Variants in EDNRA observed in about 807,000 individuals in gnomAD.
EDNRA encodes the protein endothelin receptor type A.
Under a neutral mutation model 41.4 loss-of-function variants are expected in EDNRA, and 11 were observed. The observed-to-expected ratio is 0.27, with a 90% CI of 0.17 to 0.44. The LOEUF (loss-of-function observed/expected upper bound fraction) is 0.44. Ranked by LOEUF, EDNRA falls within the 20% of genes least tolerant of loss-of-function variation. The pLI is 1.00. For synonymous variants in EDNRA, 172 were observed against 183.0 expected, an observed-to-expected ratio of 0.94 and a Z score of 0.49; for missense variants, 294 against 531.0, an observed-to-expected ratio of 0.55 and a Z score of 4.39.
At position 147,486,215 on chromosome 4, in the gene EDNRA, G is replaced by A. The variant is rs1420876634; in HGVS notation, c.420+114G>A. 13 of 1,153,902 alleles carry A rather than the reference G, an allele frequency of 1.1e-5. No individual in the cohort carries two copies. Among genetic ancestry groups the A allele is most frequent in the Non-Finnish European group, 1.6e-5 (13 of 834,136 alleles). 71.5% of individuals were successfully genotyped at this position (1,153,902 alleles called of 1,614,324 possible). ...AATTTTATCTGTGTTTTTACTGAGA[G>A]CTATTTCTGCTGTCTTCTAACTACT... On this transcript the variant is annotated intron_variant, in intron 2 of 7. Coordinates refer to ENST00000651419, the MANE Select transcript of EDNRA (RefSeq NM_001957.4). This position sits in a 1 kb window ranked among gnomAD's most constrained non-coding sequence, Gnocchi z 4.3.
chr4:147,515,729 A>C, intron 2 of EDNRA, among the ~76,000 whole-genome samples: 1 of 152,182 alleles, frequency 6.6e-6, no homozygotes, highest in East Asian at 1.9e-4. Context: ...TAGAAAACTA[A>C]TGTAAACAGA....
At chr4:147,523,625 G>A (rs1423154645) in intron 3 of EDNRA, among the ~76,000 whole-genome samples, 1 of 151,736 alleles carries the variant, frequency 6.6e-6, no homozygotes, top group South Asian at 2.1e-4. Context: ...CGAGTAGCTG[G>A]GACTACAGGT....
At chr4:147,487,866 A>G (rs958434081) in intron 2 of EDNRA, 3 of 152,372 alleles carry the variant, frequency 2.0e-5, no homozygotes, top group South Asian at 2.1e-4. Flanking sequence ...TATGATGCAA[A>G]ATTGAAAATG....
chr4:147,522,889 A>G (rs1730374518), intron 3 of EDNRA, among the ~76,000 whole-genome samples: 1 of 152,236 alleles, frequency 6.6e-6, no homozygotes, highest in African/African-American at 2.4e-5. Flanking sequence ...TTAGGGAGAC[A>G]GAAGTTACAG....
chr4:147,505,041 A>G (rs550800802), intron 2 of EDNRA, among the ~76,000 whole-genome samples: 1 of 150,970 alleles, frequency 6.6e-6, no homozygotes, highest in Admixed American at 6.6e-5. Context: ...TGAATAATCC[A>G]AATAGAAAAT....
chr4:147,484,288 C>A (rs1728870700), intron 1 of EDNRA, among the ~76,000 whole-genome samples: 1 of 151,478 alleles, frequency 6.6e-6, no homozygotes, highest in Non-Finnish European at 1.5e-5. Context: ...AAATAAACCA[C>A]ACCAGATGGT....
intron 5 of EDNRA, among the ~76,000 whole-genome samples, chr4:147,538,687 A>G (rs1268984471): frequency 6.6e-6 from 1 of 152,140 alleles, no homozygotes; most frequent in Non-Finnish European, 1.5e-5. Context: ...ATTACTCCGG[A>G]GCCATATCCC....
rs869077171 is a variant in EDNRA, at chr4:147,505,327, A to ATTTTTTTTTTTTTTTTTTT, written c.421-14514_421-14496dup. 2.4e-4 allele frequency among the ~76,000 whole-genome samples: 19 copies of ATTTTTTTTTTTTTTTTTTT among 79,684 alleles called. 1 individual carries two copies. Among genetic ancestry groups the ATTTTTTTTTTTTTTTTTTT allele is most frequent in the African/African-American group, 5.3e-4 (10 of 18,900 alleles). 52.3% of individuals were successfully genotyped at this position (79,684 alleles called of 152,430 possible). A position where few individuals can be genotyped will look rare whatever the true frequency, so the allele number is the denominator to read the frequency against. On this transcript the variant is annotated intron_variant, in intron 2 of 7. Coordinates refer to ENST00000651419, the MANE Select transcript of EDNRA (RefSeq NM_001957.4). ...AGAGAGTTTGGCAGTTTCTTTTTTC[A>ATTTTTTTTTTTTTTTTTTT]TTTTTTTTTTTTTTTTTTTTTTTTT...
chr4:147,542,291 G>C (rs1310260267), intron 7 of EDNRA, among the ~76,000 whole-genome samples, 187 bp from the exon 8 acceptor site: 1 of 152,168 alleles, frequency 6.6e-6, no homozygotes, highest in Non-Finnish European at 1.5e-5. Context: ...CTATTTCTCT[G>C]CACTGGAATG....
chr4:147,488,266 A>G (rs1159641424), intron 2 of EDNRA: 2 of 152,258 alleles, frequency 1.3e-5, no homozygotes, highest in Non-Finnish European at 2.9e-5. Flanking sequence ...GCTACTGCCA[A>G]TCACCAGACT....
intron 3 of EDNRA, among the ~76,000 whole-genome samples, chr4:147,522,611 G>A (rs1055762971): frequency 1.3e-5 from 2 of 152,086 alleles, no homozygotes; most frequent in Admixed American, 1.3e-4. Context: ...TACAGATAGG[G>A]AAGCTGAGGT....
At chr4:147,523,854 A>G (rs1188713859) in intron 3 of EDNRA, among the ~76,000 whole-genome samples, 4 of 152,054 alleles carry the variant, frequency 2.6e-5, no homozygotes, top group Non-Finnish European at 5.9e-5. Context: ...AATTCCAAAG[A>G]GAGGAAAGTA....
intron 2 of EDNRA, among the ~76,000 whole-genome samples, chr4:147,499,946 A>G (rs1270231907): frequency 6.6e-6 from 1 of 151,936 alleles, no homozygotes; most frequent in Non-Finnish European, 1.5e-5. Flanking sequence ...CAGGGATTAC[A>G]GGTGCCCACC....
chr4:147,492,999 A>C (rs912286385), intron 2 of EDNRA: 2 of 152,100 alleles, frequency 1.3e-5, no homozygotes, highest in Non-Finnish European at 2.9e-5. Context: ...CAGCACAGTT[A>C]TTCCCGCGTC....
At chr4:147,531,241 T>C (rs150789943) in intron 3 of EDNRA, among the ~76,000 whole-genome samples, 99 of 152,346 alleles carry the variant, frequency 6.5e-4, no homozygotes, top group African/African-American at 1.1e-3. Flanking sequence ...TTCTTTTCTG[T>C]TAGATTGTAA....
chr4:147,499,360 G>A (rs1729428029), intron 2 of EDNRA, among the ~76,000 whole-genome samples: 1 of 152,048 alleles, frequency 6.6e-6, no homozygotes, highest in Non-Finnish European at 1.5e-5. Flanking sequence ...CCAGCCTGAA[G>A]TCATTATTTT....
chr4:147,491,918 G>T (rs1027704652), intron 2 of EDNRA: 1 of 152,230 alleles, frequency 6.6e-6, no homozygotes, highest in Non-Finnish European at 1.5e-5. Flanking sequence ...CTCTGATGCT[G>T]CCTCCTCTGT....
chr4:147,493,100 C>T (rs900019444), intron 2 of EDNRA: 2 of 152,032 alleles, frequency 1.3e-5, no homozygotes, highest in Admixed American at 6.6e-5. Flanking sequence ...TTGTTAGTAA[C>T]GTGTTGAGAT....
chr4:147,532,325 C>CAAAAAAAAAAAAAAAAAAAAAAAAAAA (rs59851236), intron 3 of EDNRA, among the ~76,000 whole-genome samples, 181 bp from the exon 4 acceptor site: 3 of 60,388 alleles, frequency 5.0e-5, no homozygotes, highest in African/African-American at 1.9e-4. Context: ...GATTTTGCCT[C>CAAAAAAAAAAAAAAAAAAAAAAAAAAA]AAAAAAAAAA....
Sources: gnomAD v4.1 joint callset for allele counts (sites outside exome capture counted in the v4.1 genomes callset) on GRCh38, gnomAD v4.1.1 for gene constraint, Gnocchi (gnomAD v3.1) non-coding constraint, MANE v1.5 for transcripts, NCBI Gene and HGNC (gene_info 2026-07-23, HGNC 2026-07-21) for gene names.